The following OR51B5 variants were observed in gnomAD, a reference collection of about 807,000 sequenced individuals.
The protein encoded by OR51B5 is olfactory receptor 51B5.
For synonymous variants in OR51B5, 186 were observed against 144.8 expected (o/e 1.28, Z -2.04); for missense variants, 456 against 374.6 (o/e 1.22, Z -1.79).
intron 1 of OR51B5, among the ~76,000 whole-genome samples, chr11:5,373,574 G>A (rs1849475632): frequency 6.6e-6 from 1 of 152,144 alleles, no homozygotes; most frequent in East Asian, 1.9e-4. Context: ...CCCTTTCCTG[G>A]TCAAGGAAAG....
At position 5,378,440 on chromosome 11, in the gene OR51B5, CA is replaced by C. The variant is rs941146065; in HGVS notation, n.85-31531del. ...TCTAAAACACCAAAAGCGATGGCAACAAAAGCCAAAATTCACTAATGGGATC... is the reference window on the plus strand; with the variant it reads ...TCTAAAACACCAAAAGCGATGGCAACAAAGCCAAAATTCACTAATGGGATC... On this transcript the variant is annotated intron_variant and non_coding_transcript_variant, in intron 1 of 4. Coordinates refer to the OR51B5 transcript ENST00000415970. 1.1e-3 allele frequency among the ~76,000 whole-genome samples: 169 copies of C among 152,236 alleles called. 1 individual carries two copies. The highest frequency in any genetic ancestry group is 3.4e-3 in the Middle Eastern group (1 of 294).
chr11:5,394,777 T>C (rs967642007), intron 1 of OR51B5, among the ~76,000 whole-genome samples: 5 of 152,190 alleles, frequency 3.3e-5, no homozygotes, highest in Non-Finnish European at 7.3e-5. Flanking sequence ...GGACGTTAGT[T>C]TTTTTCACAT....
upstream of OR51B5, among the ~76,000 whole-genome samples, chr11:5,348,101 A>AGTGTT (rs145641165): frequency 9.0e-3 from 1,372 of 152,224 alleles, 16 homozygotes; most frequent in African/African-American, 0.031. Flanking sequence ...GAAAAGTAAT[A>AGTGTT]GTGTTGTCTG....
chr11:5,412,128 G>C (rs1850157635), intron 1 of OR51B5, among the ~76,000 whole-genome samples: 1 of 152,154 alleles, frequency 6.6e-6, no homozygotes, highest in African/African-American at 2.4e-5. Context: ...TCAAATTCAA[G>C]CTTCTCTGCT....
At chr11:5,384,386 G>T (rs12360746) in intron 1 of OR51B5, among the ~76,000 whole-genome samples, 19,367 of 152,166 alleles carry the variant, frequency 0.13, 1,347 homozygotes, top group Non-Finnish European at 0.16. Flanking sequence ...AGAAACCAGG[G>T]TTCTCACAGA....
intron 1 of OR51B5, among the ~76,000 whole-genome samples, chr11:5,393,505 G>A (rs12277805): frequency 0.05 from 7,520 of 151,902 alleles, 337 homozygotes; most frequent in African/African-American, 0.12. Flanking sequence ...TATCTTTGCC[G>A]TATACAAATT....
chr11:5,435,268 AGTGCTTTCTCACATTGGTCTTAAAC>A (rs1183097032), intron 1 of OR51B5, among the ~76,000 whole-genome samples: 4 of 152,210 alleles, frequency 2.6e-5, no homozygotes, highest in Admixed American at 1.3e-4. Context: ...ATGGATATGA[AGTGCTTTCTCACATTGGTCTTAAAC>A]GTGCTTTCTC....
intron 1 of OR51B5, chr11:5,383,708 A>C (rs1199576538): frequency 6.6e-6 from 1 of 152,148 alleles, no homozygotes; most frequent in African/African-American, 2.4e-5. Context: ...AGATAAAGAA[A>C]GTTTCCTGCC....
At position 5,373,304 on chromosome 11, in the gene OR51B5, T is replaced by C. The variant is rs1849471852; in HGVS notation, n.85-26394A>G. Among the ~76,000 whole-genome samples the C allele has an allele frequency of 2.0e-5, 3 of 152,182 alleles. 1 individual carries two copies. In the South Asian group the frequency reaches 6.2e-4, roughly 32 times the overall value. ...GAAGAAAATTTTCACTGGAAGTCTA[T>C]ATTGATCGATTTTTTCTTTCACAAA... On this transcript the variant is annotated intron_variant and non_coding_transcript_variant, in intron 1 of 4. Transcript: ENST00000415970.
intron 1 of OR51B5, among the ~76,000 whole-genome samples, chr11:5,460,966 C>T (rs7943065): frequency 0.041 from 6,272 of 152,274 alleles, 429 homozygotes; most frequent in African/African-American, 0.14. Flanking sequence ...GGCCAAGGTG[C>T]TCCCAGCTCA....
chr11:5,396,039 A>C (rs1175520740), intron 1 of OR51B5, among the ~76,000 whole-genome samples: 3 of 152,208 alleles, frequency 2.0e-5, no homozygotes, highest in Non-Finnish European at 2.9e-5. Context: ...AAGATTAATC[A>C]GATACTTTGC....
intron 1 of OR51B5, among the ~76,000 whole-genome samples, chr11:5,477,900 G>A (rs1468604566): frequency 1.3e-5 from 2 of 151,932 alleles, no homozygotes; most frequent in East Asian, 3.9e-4. Flanking sequence ...ACAGCAGTCT[G>A]GGATCAAACT....
chr11:5,425,145 G>T (rs1445254051), intron 1 of OR51B5, among the ~76,000 whole-genome samples: 1 of 151,930 alleles, frequency 6.6e-6, no homozygotes, highest in African/African-American at 2.4e-5. Context: ...CAAAATGGAA[G>T]ATGTGCATTC....
chr11:5,400,211 A>T (rs951145551), intron 1 of OR51B5, among the ~76,000 whole-genome samples: 1 of 152,222 alleles, frequency 6.6e-6, no homozygotes, highest in Non-Finnish European at 1.5e-5. Flanking sequence ...TCCTAAGCTG[A>T]TAATCTACTA....
At position 5,379,989 on chromosome 11, in the gene OR51B5, T is replaced by TAA. The variant is rs10694400; in HGVS notation, n.85-33081_85-33080dup. On this transcript the variant is annotated intron_variant and non_coding_transcript_variant, in intron 1 of 4. Coordinates refer to the OR51B5 transcript ENST00000415970. ...CAGAATCATGAACCAAACAAAACTT[T>TAA]AAAAAAAAAAAATAAGCTACCCAGA... Among the ~76,000 whole-genome samples the TAA allele has an allele frequency of 1.4e-3, 201 of 145,634 alleles. 1 individual carries two copies. The highest frequency in any genetic ancestry group is 4.2e-3 in the African/African-American group (164 of 39,496).
At chr11:5,420,557 T>C (rs1341029994) in intron 1 of OR51B5, among the ~76,000 whole-genome samples, 3 of 152,080 alleles carry the variant, frequency 2.0e-5, no homozygotes, top group Non-Finnish European at 4.4e-5. Flanking sequence ...TTGAAATGTT[T>C]AAATTTTACC....
intron 1 of OR51B5, among the ~76,000 whole-genome samples, chr11:5,475,771 C>G (rs180901435): frequency 3.9e-5 from 6 of 152,146 alleles, no homozygotes; most frequent in African/African-American, 1.4e-4. Flanking sequence ...ATTAGGCATA[C>G]AACTAATATT....
intron 1 of OR51B5, among the ~76,000 whole-genome samples, chr11:5,499,948 G>A (rs1484068648): frequency 6.6e-6 from 1 of 152,222 alleles, no homozygotes. Context: ...CATGGAATAT[G>A]TAATCTACTC....
chr11:5,468,918 G>A (rs1851180279), intron 1 of OR51B5: 1 of 361,082 alleles, frequency 2.8e-6, no homozygotes, highest in Non-Finnish European at 5.5e-6. Context: ...TTACAGAAAG[G>A]CAGTCTCTTC....
Sources: allele counts gnomAD v4.1 joint callset (sites outside exome capture counted in the v4.1 genomes callset), GRCh38; gene constraint gnomAD v4.1.1; transcripts MANE v1.5; gene names NCBI Gene and HGNC (gene_info 2026-07-23, HGNC 2026-07-21).